The following FGF2 variants were observed in gnomAD, a reference collection of about 807,000 sequenced individuals.
The protein encoded by FGF2 is basic fibroblast growth factor bFGF.
In FGF2, 13 loss-of-function variants were observed where a neutral mutation model predicts 15.9. That is an observed-to-expected ratio of 0.82 (90% CI 0.53 to 1.30). The LOEUF (loss-of-function observed/expected upper bound fraction) is 1.30, where lower values mean the gene tolerates loss of function less well. Among genes scored for constraint, FGF2 ranks in the 50% most tolerant of loss-of-function variants. FGF2 has a pLI of 0.00. For missense variants in FGF2, 163 were observed against 196.9 expected (o/e 0.83, Z 1.03); for synonymous variants, 90 against 78.4 (o/e 1.15, Z -0.78).
rs111619148 is a variant in FGF2, at chr4:122,897,885, C to A, written c.*5489C>A. 1.3e-3 allele frequency: 696 copies of A among 552,244 alleles called. 4 individuals are homozygous for A. Among genetic ancestry groups the A allele is most frequent in the African/African-American group, 0.01 (552 of 52,622 alleles). The allele number at this position is 552,244 out of a possible 1,614,324, so 34.2% of individuals were successfully genotyped here. A position where few individuals can be genotyped will look rare whatever the true frequency, so the allele number is the denominator to read the frequency against. The stretch of plus-strand genomic sequence containing the variant: ...GGTAACTGATGAAATCTTTTCCCAC[C>A]TTTTCTCTTCAGGAAATATAAGTGG... On this transcript the variant is annotated 3_prime_UTR_variant, in exon 3 of 3. Coordinates refer to ENST00000644866, the MANE Select transcript of FGF2 (RefSeq NM_001361665.2).
chr4:122,842,017 A>G (rs946621858), intron 1 of FGF2, among the ~76,000 whole-genome samples: 4 of 152,212 alleles, frequency 2.6e-5, no homozygotes, highest in African/African-American at 7.2e-5. Flanking sequence ...AATTCTGGAG[A>G]ATATTGGCTC....
chr4:122,893,559 T>A lies in FGF2; in HGVS notation c.*1163T>A, dbSNP rs1727255497. ...AAATATAGATTGAAAAGTTAAAACA[T>A]TTTGCATGGCTGCAGTTCCTTTGTT... On this transcript the variant is annotated 3_prime_UTR_variant, in exon 3 of 3. Transcript: ENST00000644866. 1 of 188,184 alleles carries A rather than the reference T, an allele frequency of 5.3e-6. No homozygotes were observed. Among genetic ancestry groups the A allele is most frequent in the Non-Finnish European group, 1.1e-5 (1 of 92,734 alleles). The allele number at this position is 188,184 out of a possible 1,614,324, so 11.7% of individuals were successfully genotyped here. A position where few individuals can be genotyped will look rare whatever the true frequency, so the allele number is the denominator to read the frequency against.
At chr4:122,826,777 T>C (rs1578519931), upstream of FGF2, 2 of 1,330,268 alleles carry the variant, frequency 1.5e-6, no homozygotes, top group Non-Finnish European at 9.7e-7. Flanking sequence ...CGCGGGAGGC[T>C]GGTGGGTGTG....
chr4:122,844,878 C>G (rs1459682867), intron 1 of FGF2, among the ~76,000 whole-genome samples: 1 of 152,160 alleles, frequency 6.6e-6, no homozygotes, highest in African/African-American at 2.4e-5. Context: ...CTCAAGCCAT[C>G]CTTCTGCCTT....
At chr4:122,854,627 T>C (rs1252594840) in intron 1 of FGF2, among the ~76,000 whole-genome samples, 1 of 152,150 alleles carries the variant, frequency 6.6e-6, no homozygotes, top group Non-Finnish European at 1.5e-5. Flanking sequence ...GTTTCCAACT[T>C]CCTACTAAGT....
At chr4:122,852,540 T>C (rs991116789) in intron 1 of FGF2, among the ~76,000 whole-genome samples, 1 of 152,236 alleles carries the variant, frequency 6.6e-6, no homozygotes, top group Non-Finnish European at 1.5e-5. Context: ...GTGTGGTACA[T>C]TGGAGCCACC....
In FGF2 at chr4:122,847,846, C is replaced by G. The variant is rs549978874; in HGVS notation, c.178+20494C>G. 2.0e-5 allele frequency among the ~76,000 whole-genome samples: 3 copies of G among 152,320 alleles called. No individual in the cohort carries two copies. The South Asian group carries it at 6.2e-4, about 32-fold the overall frequency. Reference sequence around the variant, plus strand: ...GAGGAAAGCAGCCTTTTGTTCTATTCAGGCCTTCAACTGATTTGATGTGGG... The same window carrying G: ...GAGGAAAGCAGCCTTTTGTTCTATTGAGGCCTTCAACTGATTTGATGTGGG... On this transcript the variant is annotated intron_variant, in intron 1 of 2. Coordinates refer to ENST00000644866, the MANE Select transcript of FGF2 (RefSeq NM_001361665.2).
chr4:122,855,486 C>A (rs1346113404), intron 1 of FGF2, among the ~76,000 whole-genome samples: 3 of 152,098 alleles, frequency 2.0e-5, no homozygotes, highest in Non-Finnish European at 4.4e-5. Context: ...TATTGCCAAC[C>A]CTGACTGAAG....
chr4:122,865,356 TCTCGG>T, intron 1 of FGF2, among the ~76,000 whole-genome samples: 1 of 152,342 alleles, frequency 6.6e-6, no homozygotes, highest in East Asian at 1.9e-4. Flanking sequence ...ATTCGTGCTA[TCTCGG>T]CTGACTGCAA....
chr4:122,871,084 A>G (rs1726721246), intron 1 of FGF2, among the ~76,000 whole-genome samples: 1 of 152,128 alleles, frequency 6.6e-6, no homozygotes, highest in Admixed American at 6.5e-5. Context: ...TTATTTACCC[A>G]GGAGTCATTC....
At chr4:122,875,569 G>A (rs1013246536) in intron 1 of FGF2, among the ~76,000 whole-genome samples, 6 of 152,124 alleles carry the variant, frequency 3.9e-5, no homozygotes, top group Non-Finnish European at 7.3e-5. Flanking sequence ...AGCACTTTGG[G>A]AGGCCAAGGC....
rs34233719 is a variant in FGF2 at position 122,847,603 on chromosome 4, C to CTCTATCTATCTATCTA, written c.178+20275_178+20290dup. On this transcript the variant is annotated intron_variant, in intron 1 of 2. Transcript: ENST00000644866. ...GAGAAACTGAATGAATAGGAGATCA[C>CTCTATCTATCTATCTA]TCTATCTATCTATCTATCTATCTAT... 1.3e-3 allele frequency among the ~76,000 whole-genome samples: 180 copies of CTCTATCTATCTATCTA among 142,010 alleles called. 2 individuals are homozygous for CTCTATCTATCTATCTA. Among genetic ancestry groups the CTCTATCTATCTATCTA allele is most frequent in the Non-Finnish European group, 1.8e-3 (120 of 66,882 alleles). The allele number at this position is 142,010 out of a possible 152,430, so 93.2% of individuals were successfully genotyped here.
At chr4:122,844,557 T>TTTTC (rs144991319) in intron 1 of FGF2, among the ~76,000 whole-genome samples, 1 of 146,148 alleles carries the variant, frequency 6.8e-6, no homozygotes, top group Non-Finnish European at 1.5e-5. Flanking sequence ...TTCTTTCTCT[T>TTTTC]TTTCTTTCTT....
intron 1 of FGF2, among the ~76,000 whole-genome samples, chr4:122,838,596 C>T (rs416947): frequency 0.081 from 12,336 of 152,164 alleles, 920 homozygotes; most frequent in South Asian, 0.2. Context: ...GCCAGAATTC[C>T]GCATGGACAA....
At chr4:122,848,832 A>T (rs988000236) in intron 1 of FGF2, among the ~76,000 whole-genome samples, 6 of 152,352 alleles carry the variant, frequency 3.9e-5, no homozygotes, top group African/African-American at 1.4e-4. Flanking sequence ...TTTGAGCCTC[A>T]TGAGAGGTCC....
intron 2 of FGF2, among the ~76,000 whole-genome samples, chr4:122,891,807 C>G (rs1170011782): frequency 6.6e-6 from 1 of 152,180 alleles, no homozygotes; most frequent in Non-Finnish European, 1.5e-5. Flanking sequence ...GATTGGTAAC[C>G]TACCTTGGGA....
At chr4:122,854,518 A>G (rs1213376545) in intron 1 of FGF2, among the ~76,000 whole-genome samples, 1 of 152,212 alleles carries the variant, frequency 6.6e-6, no homozygotes, top group African/African-American at 2.4e-5. Flanking sequence ...TGGAGCCATG[A>G]TCTTCTTTTA....
intron 1 of FGF2, among the ~76,000 whole-genome samples, chr4:122,856,057 A>G (rs1726335160): frequency 6.6e-6 from 1 of 152,232 alleles, no homozygotes; most frequent in Non-Finnish European, 1.5e-5. Flanking sequence ...AGAATTTGAT[A>G]AGTAGAATAA....
At chr4:122,885,911 T>TC (rs1491175348) in intron 2 of FGF2, among the ~76,000 whole-genome samples, 132 of 135,660 alleles carry the variant, frequency 9.7e-4, no homozygotes, top group African/African-American at 3.5e-3. Context: ...ATTTTTTTTT[T>TC]CCTTTTTTTT....
Sources: gnomAD v4.1 joint callset for allele counts (sites outside exome capture counted in the v4.1 genomes callset) on GRCh38, gnomAD v4.1.1 for gene constraint, MANE v1.5 for transcripts, NCBI Gene and HGNC (gene_info 2026-07-23, HGNC 2026-07-21) for gene names.